The following PCDHGA10 variants were observed in gnomAD, a reference collection of about 807,000 sequenced individuals.
The protein encoded by PCDHGA10 is protocadherin gamma subfamily A, 10, also known as protocadherin gamma-A10.
Under a neutral mutation model 59.5 loss-of-function variants are expected in PCDHGA10, and 42 were observed. That is an observed-to-expected ratio of 0.71 (90% CI 0.55 to 0.91). The LOEUF is 0.91. Ranked by LOEUF, PCDHGA10 falls within the 40% of genes least tolerant of loss-of-function variation. PCDHGA10 has a pLI of 0.00. For synonymous variants in PCDHGA10, 511 were observed against 517.2 expected, an observed-to-expected ratio of 0.99 and a Z score of 0.16; for missense variants, 1,111 against 1,198.2, an observed-to-expected ratio of 0.93 and a Z score of 1.07.
chr5:141,499,563 A>C (rs979866448), intron 2 of PCDHGA10, among the ~76,000 whole-genome samples: 3 of 152,242 alleles, frequency 2.0e-5, no homozygotes, highest in Non-Finnish European at 2.9e-5. Context: ...ACCACTATCC[A>C]GCTTCAACTA....
chr5:141,434,784 A>C (rs967716221), intron 1 of PCDHGA10, among the ~76,000 whole-genome samples: 1 of 150,278 alleles, frequency 6.7e-6, no homozygotes, highest in African/African-American at 2.5e-5. Flanking sequence ...AAAAAAAAAA[A>C]TTTTTTTTTC....
Position 141,431,877 on chromosome 5 carries a change from A to G in PCDHGA10, c.2436+16266A>G. On this transcript the variant is annotated intron_variant, in intron 1 of 3. Coordinates refer to ENST00000398610, the MANE Select transcript of PCDHGA10 (RefSeq NM_018913.3). The surrounding 1 kb of genome is among the most constrained non-coding windows in gnomAD (Gnocchi z 4.8). ...TTAATTGCCCTTTTAAATGTAAATG[A>G]CCAAGATTCTGAGGAAAACGGACAG... is the stretch of plus-strand genomic sequence containing the variant. 8 of 1,614,230 alleles carry G rather than the reference A, an allele frequency of 5.0e-6. No individual in the cohort carries two copies. Among genetic ancestry groups the G allele is most frequent in the Non-Finnish European group, 6.8e-6 (8 of 1,180,016 alleles).
At chr5:141,419,934 T>C (rs1427601115) in intron 1 of PCDHGA10, 3 of 1,613,952 alleles carry the variant, frequency 1.9e-6, no homozygotes, top group Non-Finnish European at 2.5e-6. Flanking sequence ...CAGTTTTACC[T>C]GGTGGTGGCC....
chr5:141,453,205 G>A lies in PCDHGA10; in HGVS notation c.2436+37594G>A, dbSNP rs570291941. On this transcript the variant is annotated intron_variant, in intron 1 of 3. Coordinates refer to ENST00000398610, the MANE Select transcript of PCDHGA10 (RefSeq NM_018913.3). ...CACAGCTCACTGCAGCCTCAACCTC[G>A]TGCACTTAAGCGATCCTCCCACCTC... Among the ~76,000 whole-genome samples the A allele has an allele frequency of 1.1e-4, 17 of 151,990 alleles. No individual in the cohort carries two copies. In the East Asian group the frequency reaches 2.5e-3, roughly 22 times the overall value.
chr5:141,505,558 C>A (rs945428797), intron 3 of PCDHGA10, 77 bp downstream of exon 3: 1 of 1,605,016 alleles, frequency 6.2e-7, no homozygotes, highest in African/African-American at 1.3e-5. Context: ...ACCATGCCCA[C>A]GGACTGGATG....
chr5:141,421,187 A>G (rs745843422), intron 1 of PCDHGA10: 5 of 1,473,698 alleles, frequency 3.4e-6, no homozygotes, highest in Non-Finnish European at 4.5e-6. Context: ...TTCACAACCA[A>G]CCAGCTCGAG....
intron 1 of PCDHGA10, among the ~76,000 whole-genome samples, chr5:141,449,413 C>G (rs2098637966): frequency 6.6e-6 from 1 of 151,656 alleles, no homozygotes; most frequent in African/African-American, 2.4e-5. Flanking sequence ...TCAAGACCAG[C>G]CTGGCCAACA....
chr5:141,478,623 G>A, intron 1 of PCDHGA10: 2 of 1,554,358 alleles, frequency 1.3e-6, no homozygotes, highest in Non-Finnish European at 1.7e-6. Flanking sequence ...GAATGGAGCT[G>A]TTTTTTTAGT....
intron 2 of PCDHGA10, among the ~76,000 whole-genome samples, chr5:141,497,614 A>C (rs1377740795): frequency 6.8e-6 from 1 of 146,530 alleles, no homozygotes; most frequent in African/African-American, 2.6e-5. Context: ...ATCTTGGCTC[A>C]CTGCAACCTC....
At chr5:141,418,603 G>C in intron 1 of PCDHGA10, 1 of 1,614,020 alleles carries the variant, frequency 6.2e-7, no homozygotes, top group Non-Finnish European at 8.5e-7. Context: ...ACGTGTACAG[G>C]GTTAGCCTTC....
Position 141,485,581 on chromosome 5 carries a change from G to C in PCDHGA10, c.2437-9226G>C. The C allele has an allele frequency of 6.2e-7, 1 of 1,612,458 alleles. No individual in the cohort carries two copies. The highest frequency in any genetic ancestry group is 8.5e-7 in the Non-Finnish European group (1 of 1,178,652). ...ATCACGCCCCCCGTTTTCCGCGGCA[G>C]CAGCTGGACTTGGAAATTGGGGAGG... On this transcript the variant is annotated intron_variant, in intron 1 of 3. Coordinates refer to ENST00000398610, the MANE Select transcript of PCDHGA10 (RefSeq NM_018913.3). This position sits in a 1 kb window ranked among gnomAD's most constrained non-coding sequence, Gnocchi z 5.7.
chr5:141,424,169 A>G (rs542346399), intron 1 of PCDHGA10: 20 of 225,850 alleles, frequency 8.9e-5, no homozygotes, highest in Middle Eastern at 2.3e-3. Context: ...TCATCTATCT[A>G]TCTATACACA....
At chr5:141,439,780 T>G (rs1023743000) in intron 1 of PCDHGA10, 1 of 152,228 alleles carries the variant, frequency 6.6e-6, no homozygotes, top group African/African-American at 2.4e-5. Context: ...TGGCTGGAGA[T>G]TCTATAATCC....
intron 1 of PCDHGA10, among the ~76,000 whole-genome samples, chr5:141,454,658 G>T (rs961640658): frequency 1.3e-5 from 2 of 151,812 alleles, no homozygotes; most frequent in Non-Finnish European, 2.9e-5. Flanking sequence ...TGCCCACCTC[G>T]GCCTCCCAAA....
intron 1 of PCDHGA10, among the ~76,000 whole-genome samples, chr5:141,444,982 A>G (rs10066383): frequency 7.1e-4 from 108 of 152,272 alleles, no homozygotes; most frequent in African/African-American, 2.5e-3. Flanking sequence ...ATCCATGAAC[A>G]TGGTATATAT....
rs1304361659 is a variant in PCDHGA10 at position 141,494,859 on chromosome 5, C to T, written c.2489C>T (p.Thr830Ile). 2 of 1,614,134 alleles carry T rather than the reference C, an allele frequency of 1.2e-6. No individual in the cohort carries two copies. The highest frequency in any genetic ancestry group is 8.5e-7 in the Non-Finnish European group (1 of 1,180,012). Reference protein sequence around the residue: ...WRFSQAQRPGTSGSQNGDDTG... With the variant: ...WRFSQAQRPGISGSQNGDDTG... Reference sequence around the variant, plus strand: ...TTCTCTCAGGCCCAGAGACCCGGCACCAGCGGGTAGGTGACTGATTCTCCA... The same window carrying T: ...TTCTCTCAGGCCCAGAGACCCGGCATCAGCGGGTAGGTGACTGATTCTCCA... Residue 830 changes from threonine to isoleucine, a missense_variant, in exon 2 of 4, where the codon ACC becomes ATC. By Grantham distance (89) the Thr-to-Ile change is moderately conservative. Coordinates refer to ENST00000398610, the MANE Select transcript of PCDHGA10 (RefSeq NM_018913.3).
chr5:141,423,141 G>A, intron 1 of PCDHGA10: 1 of 1,613,580 alleles, frequency 6.2e-7, no homozygotes, highest in Non-Finnish European at 8.5e-7. Context: ...ACAGAGACGC[G>A]CTCAAGCAGA....
Position 141,431,021 on chromosome 5 carries a change from G to A in PCDHGA10, c.2436+15410G>A. On this transcript the variant is annotated intron_variant, in intron 1 of 3. Coordinates refer to ENST00000398610, the MANE Select transcript of PCDHGA10 (RefSeq NM_018913.3). This position sits in a 1 kb window ranked among gnomAD's most constrained non-coding sequence, Gnocchi z 4.8. ...GCGCAGCGGCAGCTTGGTCACGGCG[G>A]GCAGGATAGACCGGGAGGAGCTCTG... is the stretch of plus-strand genomic sequence containing the variant. 1 of 1,613,940 alleles carries A rather than the reference G, an allele frequency of 6.2e-7. No individual in the cohort carries two copies. Among genetic ancestry groups the A allele is most frequent in the Non-Finnish European group, 8.5e-7 (1 of 1,179,936 alleles).
At chr5:141,434,364 A>G (rs1023051594) in intron 1 of PCDHGA10, among the ~76,000 whole-genome samples, 1 of 152,208 alleles carries the variant, frequency 6.6e-6, no homozygotes, top group Non-Finnish European at 1.5e-5. Context: ...AAATCTGGCC[A>G]TAAACTGGCC....
Sources: allele counts gnomAD v4.1 joint callset (sites outside exome capture counted in the v4.1 genomes callset), GRCh38; gene constraint gnomAD v4.1.1; non-coding constraint Gnocchi (gnomAD v3.1); transcripts MANE v1.5; gene names NCBI Gene and HGNC (gene_info 2026-07-23, HGNC 2026-07-21).